Variants in GOLGA1 observed in about 807,000 individuals in gnomAD.
GOLGA1 encodes golgin subfamily A member 1.
GOLGA1 carries 63 observed loss-of-function variants against 119.7 expected under a neutral mutation model. That is an observed-to-expected ratio of 0.53 (90% CI 0.43 to 0.65). The LOEUF is 0.65. GOLGA1 is among the 30% of genes least tolerant of loss of function. The probability of loss-of-function intolerance (pLI) is 0.00; values close to 1 mark genes in which losing one functional copy is unlikely to be tolerated. For missense variants in GOLGA1, 798 were observed against 912.8 expected (o/e 0.87, Z 1.62); for synonymous variants, 318 against 333.4 (o/e 0.95, Z 0.50).
chr9:124,925,455 G>A (rs1341107125), intron 7 of GOLGA1, among the ~76,000 whole-genome samples: 6 of 150,706 alleles, frequency 4.0e-5, no homozygotes, highest in Non-Finnish European at 8.9e-5. Context: ...AGTGGCTCAC[G>A]ACTGTAATCC....
chr9:124,930,322 A>G (rs10819012), intron 4 of GOLGA1, among the ~76,000 whole-genome samples: 87,486 of 151,998 alleles, frequency 0.58, 25,617 homozygotes, highest in South Asian at 0.57. Context: ...GGTAGGAGTA[A>G]CAGGATAGCA....
At chr9:124,944,320 A>T (rs1282480278), upstream of GOLGA1, 2 of 148,948 alleles carry the variant, frequency 1.3e-5, no homozygotes, top group African/African-American at 4.9e-5. Context: ...TTTTTTTGAG[A>T]ATGAGTCTTG....
At chr9:124,937,179 T>C (rs750395667) in intron 3 of GOLGA1, among the ~76,000 whole-genome samples, 4 of 152,144 alleles carry the variant, frequency 2.6e-5, no homozygotes, top group Non-Finnish European at 4.4e-5. Flanking sequence ...TATTGCCAAG[T>C]GTGGTGGCTC....
intron 10 of GOLGA1, among the ~76,000 whole-genome samples, chr9:124,914,473 C>T (rs1830401286): frequency 6.6e-6 from 1 of 151,944 alleles, no homozygotes. Context: ...TGCACTCCAG[C>T]CTGAGCGAGG....
At chr9:124,904,987 A>C (rs2131428529) in intron 12 of GOLGA1, among the ~76,000 whole-genome samples, 1 of 147,426 alleles carries the variant, frequency 6.8e-6, no homozygotes, top group Non-Finnish European at 1.5e-5. Context: ...AAAAAATACA[A>C]AAAAAAAAAT....
intron 12 of GOLGA1, among the ~76,000 whole-genome samples, chr9:124,906,242 T>TGG (rs1162166713): frequency 7.1e-6 from 1 of 141,530 alleles, no homozygotes; most frequent in Admixed American, 7.1e-5. Context: ...GAGACCAGCC[T>TGG]CAACATGGTG....
chr9:124,939,603 C>A (rs1363085786), intron 2 of GOLGA1, among the ~76,000 whole-genome samples: 1 of 107,968 alleles, frequency 9.3e-6, no homozygotes, highest in Non-Finnish European at 1.7e-5. Flanking sequence ...GCTCTTGTTG[C>A]CTAAGCTGGA....
chr9:124,939,546 CTTTCTTTTTTTTTTT>C (rs1830953960), intron 2 of GOLGA1, among the ~76,000 whole-genome samples: 1 of 40,010 alleles, frequency 2.5e-5, no homozygotes, highest in African/African-American at 1.1e-4. Flanking sequence ...TATTTTCTTT[CTTTCTTTTTTTTTTT>C]TTTTTTTTTT....
intron 20 of GOLGA1, 147 bp downstream of exon 20, chr9:124,882,363 A>G: frequency 1.5e-6 from 1 of 647,164 alleles, no homozygotes; most frequent in Admixed American, 2.4e-5. Flanking sequence ...CTGTCCCACC[A>G]GCTAACGTTG....
intron 19 of GOLGA1, among the ~76,000 whole-genome samples, chr9:124,883,318 T>A (rs2131359890): frequency 6.7e-6 from 1 of 149,174 alleles, no homozygotes; most frequent in Non-Finnish European, 1.5e-5. Context: ...GGAGTTTCAC[T>A]CTTGTTGCCC....
intron 10 of GOLGA1, among the ~76,000 whole-genome samples, chr9:124,920,449 TCA>T: frequency 6.6e-6 from 1 of 152,184 alleles, no homozygotes; most frequent in East Asian, 1.9e-4. Context: ...CTTTATATTC[TCA>T]GAGTGTAGCA....
chr9:124,933,238 C>T (rs1417066636), intron 3 of GOLGA1, among the ~76,000 whole-genome samples: 1 of 152,154 alleles, frequency 6.6e-6, no homozygotes, highest in Admixed American at 6.5e-5. Context: ...CATTACAGGC[C>T]TCAGACTGTT....
intron 14 of GOLGA1, 34 bp from the exon 15 acceptor site, chr9:124,898,678 C>G (rs762095006): frequency 8.1e-7 from 1 of 1,234,078 alleles, no homozygotes; most frequent in East Asian, 2.3e-5. Context: ...TAAAAGAAGT[C>G]TTCACTACCA....
At chr9:124,910,541 A>G (rs1830320641) in intron 11 of GOLGA1, among the ~76,000 whole-genome samples, 1 of 152,220 alleles carries the variant, frequency 6.6e-6, no homozygotes, top group Non-Finnish European at 1.5e-5. Flanking sequence ...ATTTAACCCT[A>G]ACAACAATTC....
At chr9:124,941,923 A>G (rs942434011), upstream of GOLGA1, among the ~76,000 whole-genome samples, 5 of 152,178 alleles carry the variant, frequency 3.3e-5, no homozygotes, top group African/African-American at 9.7e-5. Context: ...TCTTTAAATA[A>G]ATAGCAATCA....
At chr9:124,900,667 G>A in intron 12 of GOLGA1, 120 bp from the exon 13 acceptor site, 1 of 533,252 alleles carries the variant, frequency 1.9e-6, no homozygotes, top group Non-Finnish European at 3.4e-6. Context: ...TGTAACCTGA[G>A]AAAAAAGATA....
intron 2 of GOLGA1, 52 bp from the exon 3 acceptor site, chr9:124,938,918 C>T (rs945950796): frequency 2.8e-5 from 13 of 462,578 alleles, no homozygotes; most frequent in South Asian, 1.4e-4. Flanking sequence ...GGAAAGATTT[C>T]GCATCTGAGT....
At position 124,938,820 on chromosome 9, in the gene GOLGA1, T is replaced by G; in HGVS notation, c.-109A>C. The G allele has an allele frequency of 2.4e-6, 2 of 831,348 alleles. No individual in the cohort carries two copies. The highest frequency in any genetic ancestry group is 1.7e-5 in the African/African-American group (1 of 57,748). The allele number at this position is 831,348 out of a possible 1,614,324, so 51.5% of individuals were successfully genotyped here. A position where few individuals can be genotyped will look rare whatever the true frequency, so the allele number is the denominator to read the frequency against. ...CAAAGTTTCAGACATCCAAGCTAGC[T>G]GCATTCCCACTTAAATGTGGGCCAA... On this transcript the variant is annotated 5_prime_UTR_variant, in exon 3 of 23. Coordinates refer to ENST00000373555, the MANE Select transcript of GOLGA1 (RefSeq NM_002077.4).
At chr9:124,916,017 A>G (rs552528437) in intron 10 of GOLGA1, among the ~76,000 whole-genome samples, 21 of 145,764 alleles carry the variant, frequency 1.4e-4, no homozygotes, top group African/African-American at 5.4e-4. Flanking sequence ...CAGGAGAATC[A>G]CTTGAACCTG....
Sources: allele counts gnomAD v4.1 joint callset (sites outside exome capture counted in the v4.1 genomes callset), GRCh38; gene constraint gnomAD v4.1.1; transcripts MANE v1.5; gene names NCBI Gene and HGNC (gene_info 2026-07-23, HGNC 2026-07-21).